Variants in COL24A1 observed in about 807,000 individuals in gnomAD.
COL24A1 encodes the protein collagen type XXIV alpha 1 chain.
In COL24A1, 224 loss-of-function variants were observed where a neutral mutation model predicts 253.9. The ratio of observed to expected loss-of-function variants is 0.88; its 90% confidence interval spans 0.79 to 0.99. The LOEUF (loss-of-function observed/expected upper bound fraction) is 0.99. Among genes scored for constraint, COL24A1 ranks in the 50% least tolerant of loss-of-function variants. The pLI, the probability that COL24A1 is intolerant of heterozygous loss-of-function variation, is 0.00. For missense variants in COL24A1, 2,131 were observed against 2,068.5 expected (o/e 1.03, Z -0.59); for synonymous variants, 685 against 673.7 (o/e 1.02, Z -0.26).
chr1:86,089,621 ACCAG>A (rs1380415933), intron 6 of COL24A1, among the ~76,000 whole-genome samples: 5 of 152,104 alleles, frequency 3.3e-5, no homozygotes, highest in African/African-American at 1.2e-4. Flanking sequence ...GGAGTTCAAA[ACCAG>A]CCTGGCCAAC....
intron 19 of COL24A1, among the ~76,000 whole-genome samples, chr1:85,995,665 C>T (rs1694721378): frequency 1.3e-5 from 2 of 152,046 alleles, no homozygotes; most frequent in South Asian, 4.2e-4. Context: ...TGTTCACTAT[C>T]CTGATTTTGT....
At chr1:85,953,513 T>A (rs1011336696) in intron 24 of COL24A1, among the ~76,000 whole-genome samples, 7 of 152,230 alleles carry the variant, frequency 4.6e-5, no homozygotes, top group African/African-American at 1.7e-4. Context: ...CGTATACTAC[T>A]TAAAGATCAA....
In COL24A1 at chr1:86,125,820, G is replaced by T; in HGVS notation, c.516C>A (p.Asn172Lys). The part of the protein sequence containing the change: ...QWHSFAITIR[N>K]QSVSMFVECG... Reference sequence around the variant, plus strand: ...ACTCAACAAACATTGAGACACTTTGGTTTCTAATAGTAATGGCAAATGAGT... The same window carrying T: ...ACTCAACAAACATTGAGACACTTTGTTTTCTAATAGTAATGGCAAATGAGT... The change falls in exon 3 of 60, where the codon AAC becomes AAA. Residue 172 changes from asparagine (N) to lysine (K), a missense_variant. Transcript: ENST00000370571. The T allele has an allele frequency of 6.2e-7, 1 of 1,613,204 alleles. No individual in the cohort carries two copies. The highest frequency in any genetic ancestry group is 8.5e-7 in the Non-Finnish European group (1 of 1,179,702).
chr1:85,876,007 G>A (rs142780320), intron 33 of COL24A1, among the ~76,000 whole-genome samples: 84 of 152,116 alleles, frequency 5.5e-4, no homozygotes, highest in African/African-American at 1.8e-3. Context: ...TTGGGGACAC[G>A]GGTGAACAGG....
At chr1:86,152,630 G>A (rs1652922568) in intron 1 of COL24A1, among the ~76,000 whole-genome samples, 1 of 152,180 alleles carries the variant, frequency 6.6e-6, no homozygotes, top group South Asian at 2.1e-4. Flanking sequence ...AATTCATGCA[G>A]TGCAAGGGAG....
intron 37 of COL24A1, among the ~76,000 whole-genome samples, chr1:85,859,880 G>C (rs571097834): frequency 7.0e-4 from 107 of 152,248 alleles, no homozygotes; most frequent in African/African-American, 2.1e-3. Context: ...CTATTTGGGA[G>C]GCTGAGGCAG....
intron 5 of COL24A1, among the ~76,000 whole-genome samples, chr1:86,103,329 T>C (rs560231980): frequency 1.1e-4 from 17 of 152,280 alleles, no homozygotes; most frequent in African/African-American, 3.8e-4. Context: ...TTTGGTTCTT[T>C]AGCCTGCCAC....
At chr1:85,738,150 C>T (rs1031429301) in intron 57 of COL24A1, among the ~76,000 whole-genome samples, 2 of 152,044 alleles carry the variant, frequency 1.3e-5, no homozygotes, top group African/African-American at 4.8e-5. Context: ...TGTTTAGTTA[C>T]ATAGTTAACA....
At position 86,133,977 on chromosome 1, in the gene COL24A1, C is replaced by T. The variant is rs1212346305; in HGVS notation, c.122-7763G>A. Among the ~76,000 whole-genome samples the T allele has an allele frequency of 1.3e-4, 6 of 47,860 alleles. No homozygotes were observed. In the East Asian group the frequency reaches 1.9e-3, roughly 15 times the overall value. 31.4% of individuals were successfully genotyped at this position (47,860 alleles called of 152,430 possible). ...AATTCGGCTGTGAATCCATCTGGTC[C>T]TGGACTTTTTTTTGGTTGCTAACCT... On this transcript the variant is annotated intron_variant, in intron 2 of 59. Coordinates refer to ENST00000370571, the MANE Select transcript of COL24A1 (RefSeq NM_152890.7).
chr1:86,037,248 T>G (rs1003183423), intron 12 of COL24A1, among the ~76,000 whole-genome samples: 1 of 152,214 alleles, frequency 6.6e-6, no homozygotes, highest in Non-Finnish European at 1.5e-5. Flanking sequence ...GTTCACACTT[T>G]TCTATGACAT....
At chr1:86,052,139 G>A (rs1214222850) in intron 10 of COL24A1, among the ~76,000 whole-genome samples, 1 of 152,034 alleles carries the variant, frequency 6.6e-6, no homozygotes, top group Non-Finnish European at 1.5e-5. Flanking sequence ...AGAAATTGAA[G>A]TAGAGATACA....
intron 46 of COL24A1, 141 bp downstream of exon 46, chr1:85,817,893 T>G (rs1182131375): frequency 1.4e-6 from 1 of 699,984 alleles, no homozygotes; most frequent in African/African-American, 1.8e-5. Context: ...TCCCTCTGTG[T>G]TCCAGCATGG....
chr1:85,828,739 T>A (rs1281398447), intron 43 of COL24A1, among the ~76,000 whole-genome samples: 2 of 121,374 alleles, frequency 1.6e-5, no homozygotes, highest in African/African-American at 5.9e-5. Flanking sequence ...GAGACTACGA[T>A]TGCAACCCCT....
intron 28 of COL24A1, among the ~76,000 whole-genome samples, chr1:85,898,947 T>C (rs1684023043): frequency 6.6e-6 from 1 of 152,150 alleles, no homozygotes; most frequent in African/African-American, 2.4e-5. Context: ...GGAAGATCAC[T>C]GTAGCAGAAA....
chr1:85,784,216 T>C, intron 49 of COL24A1, 43 bp downstream of exon 49: 1 of 1,610,164 alleles, frequency 6.2e-7, no homozygotes, highest in Non-Finnish European at 8.5e-7. Flanking sequence ...GGCAGCCTGC[T>C]CTGTAGAATA....
chr1:85,948,808 C>A (rs1689604998), intron 24 of COL24A1, among the ~76,000 whole-genome samples: 1 of 151,182 alleles, frequency 6.6e-6, no homozygotes, highest in African/African-American at 2.4e-5. Flanking sequence ...AACATTGATG[C>A]AAGCACATGT....
At chr1:85,743,554 G>A (rs941208017) in intron 57 of COL24A1, among the ~76,000 whole-genome samples, 1 of 152,054 alleles carries the variant, frequency 6.6e-6, no homozygotes, top group Non-Finnish European at 1.5e-5. Flanking sequence ...TATTTGGGGG[G>A]CGTAAAGATT....
chr1:86,114,288 T>G (rs1031142280), intron 4 of COL24A1, among the ~76,000 whole-genome samples: 14 of 152,066 alleles, frequency 9.2e-5, no homozygotes, highest in Non-Finnish European at 1.5e-4. Context: ...AAAAGTGAAT[T>G]AGGGAAGATA....
intron 35 of COL24A1, among the ~76,000 whole-genome samples, chr1:85,871,464 T>C (rs1336133328): frequency 2.0e-5 from 3 of 152,094 alleles, no homozygotes; most frequent in Non-Finnish European, 4.4e-5. Context: ...ACTAGCAAAT[T>C]AAATCCAGCA....
Sources: gnomAD v4.1 joint callset for allele counts (sites outside exome capture counted in the v4.1 genomes callset) on GRCh38, gnomAD v4.1.1 for gene constraint, MANE v1.5 for transcripts, NCBI Gene and HGNC (gene_info 2026-07-23, HGNC 2026-07-21) for gene names.